The following VDAC1 variants were observed in gnomAD, a reference collection of about 807,000 sequenced individuals.
VDAC1 encodes the protein voltage dependent anion channel 1, also known as non-selective voltage-gated ion channel VDAC1.
Under a neutral mutation model 34.7 loss-of-function variants are expected in VDAC1, and 10 were observed. The ratio of observed to expected loss-of-function variants is 0.29; its 90% CI spans 0.18 to 0.49. The LOEUF is 0.49. VDAC1 is among the 20% of genes least tolerant of loss of function. VDAC1 has a pLI of 0.99. For missense variants in VDAC1, 230 were observed against 347.9 expected (o/e 0.66, Z 2.69); for synonymous variants, 130 against 136.0 (o/e 0.96, Z 0.30).
the VDAC1 span, among the ~76,000 whole-genome samples, chr5:134,097,819 C>T: frequency 3.3e-5 from 5 of 152,132 alleles, no homozygotes; most frequent in Non-Finnish European, 7.4e-5. Context: ...CCACTGGGAC[C>T]CTCACAGTAC....
the VDAC1 span, among the ~76,000 whole-genome samples, chr5:134,110,643 AGCCTCCCGGCG>A: frequency 6.6e-6 from 1 of 152,256 alleles, no homozygotes. Context: ...CCAGCAGCCC[AGCCTCCCGGCG>A]GCTTTGGGCA....
chr5:134,092,108 T>C, the VDAC1 span, among the ~76,000 whole-genome samples: 190 of 152,334 alleles, frequency 1.2e-3, no homozygotes, highest in African/African-American at 4.1e-3. Context: ...CCAAGGCTCA[T>C]TGTGATTAAC....
At chr5:133,989,167 A>C (rs6878988) in intron 5 of VDAC1, 88,186 of 152,026 alleles carry the variant, frequency 0.58, 25,746 homozygotes, top group Admixed American at 0.61. Flanking sequence ...GATAGGAACC[A>C]TGTGTGCCCA....
At chr5:134,033,715 G>A in the VDAC1 span, among the ~76,000 whole-genome samples, 9 of 151,158 alleles carry the variant, frequency 6.0e-5, no homozygotes, top group Non-Finnish European at 1.2e-4. Context: ...AATATAGGCC[G>A]GGTGCGATGG....
In VDAC1 at chr5:133,975,882, C is replaced by T. The variant is rs771483483; in HGVS notation, c.691G>A (p.Ala231Thr). Residue 231 changes from alanine to threonine, a missense_variant, in exon 7 of 9, where the codon GCC becomes ACC. Physicochemically the swap from Ala to Thr is moderately conservative, Grantham distance 58. Coordinates refer to ENST00000265333, the MANE Select transcript of VDAC1 (RefSeq NM_003374.3). ...IAAKYQIDPD[A>T]CFSAKVNNSS... ...CCACAGATACCCACCGAGAAGCAGGCGTCAGGGTCAATCTGATACTTGGCT... is the reference window on the plus strand; with the variant it reads ...CCACAGATACCCACCGAGAAGCAGGTGTCAGGGTCAATCTGATACTTGGCT... The T allele has an allele frequency of 3.7e-6, 6 of 1,611,876 alleles. No homozygotes were observed. Among genetic ancestry groups the T allele is most frequent in the Admixed American group, 3.3e-5 (2 of 59,980 alleles).
the VDAC1 span, among the ~76,000 whole-genome samples, chr5:134,085,667 C>T: frequency 1.6e-5 from 2 of 126,724 alleles, no homozygotes; most frequent in Non-Finnish European, 3.1e-5. Context: ...GTGGGAGGAT[C>T]ACTCGAGGTT....
the VDAC1 span, among the ~76,000 whole-genome samples, chr5:134,072,194 T>C: frequency 1.3e-5 from 2 of 152,170 alleles, no homozygotes; most frequent in African/African-American, 4.8e-5. Flanking sequence ...AGGCACCTAC[T>C]ATATATTAGA....
chr5:134,006,633 C>G (rs376175601), upstream of VDAC1, among the ~76,000 whole-genome samples: 34 of 151,456 alleles, frequency 2.2e-4, no homozygotes, highest in East Asian at 3.3e-3. Flanking sequence ...GTCCCAGCTA[C>G]TCAGGAGGCT....
chr5:134,008,355 T>C (rs1453151995), upstream of VDAC1, among the ~76,000 whole-genome samples: 2 of 152,156 alleles, frequency 1.3e-5, no homozygotes, highest in African/African-American at 4.8e-5. Context: ...CTAGTCCAGT[T>C]TGGATTGTTT....
At chr5:134,085,722 TAAAAA>T in the VDAC1 span, among the ~76,000 whole-genome samples, 278 of 44,232 alleles carry the variant, frequency 6.3e-3, 2 homozygotes, top group Middle Eastern at 0.037. Flanking sequence ...ACCCCATTTC[TAAAAA>T]AAAAAAAAAA....
the VDAC1 span, among the ~76,000 whole-genome samples, chr5:134,042,364 G>A: frequency 6.6e-6 from 1 of 152,216 alleles, no homozygotes; most frequent in African/African-American, 2.4e-5. Context: ...CACCCATCCT[G>A]TCTTGCCATC....
chr5:134,018,955 A>G, the VDAC1 span, among the ~76,000 whole-genome samples: 7 of 152,228 alleles, frequency 4.6e-5, no homozygotes, highest in East Asian at 1.4e-3. Context: ...CACACTCTCC[A>G]TATGCCTCCA....
At chr5:134,023,736 G>A in the VDAC1 span, among the ~76,000 whole-genome samples, 5 of 152,254 alleles carry the variant, frequency 3.3e-5, no homozygotes, top group East Asian at 9.6e-4. Flanking sequence ...ACAGCAAAAA[G>A]AGTATGATGG....
Position 133,972,704 on chromosome 5 carries a change from T to TA in VDAC1, c.*66dup. ...ATCCCAGACATACAACATTAAAAGA[T>TA]ACACTAAATTCTGAAGGTAGCTATG... is the stretch of plus-strand genomic sequence containing the variant. On this transcript the variant is annotated 3_prime_UTR_variant, in exon 9 of 9. Transcript: ENST00000265333. The TA allele has an allele frequency of 9.0e-7, 1 of 1,105,726 alleles. No individual in the cohort carries two copies. The highest frequency in any genetic ancestry group is 1.3e-6 in the Non-Finnish European group (1 of 745,580). The allele number at this position is 1,105,726 out of a possible 1,614,324, so 68.5% of individuals were successfully genotyped here.
intron 7 of VDAC1, among the ~76,000 whole-genome samples, chr5:133,974,573 T>A (rs1458368471): frequency 1.3e-5 from 2 of 152,256 alleles, no homozygotes; most frequent in East Asian, 3.8e-4. Context: ...TAAGCCAGTC[T>A]GGTTCAAATC....
At chr5:133,979,637 C>T (rs1389322223) in intron 6 of VDAC1, among the ~76,000 whole-genome samples, 1 of 152,010 alleles carries the variant, frequency 6.6e-6, no homozygotes, top group African/African-American at 2.4e-5. Flanking sequence ...ACCTTCTTGA[C>T]CAGGCTGGTC....
At chr5:134,069,442 C>T in the VDAC1 span, among the ~76,000 whole-genome samples, 1 of 152,172 alleles carries the variant, frequency 6.6e-6, no homozygotes, top group African/African-American at 2.4e-5. Flanking sequence ...TGATGATCCC[C>T]TCAGAGGTGA....
chr5:134,029,506 G>C, the VDAC1 span, among the ~76,000 whole-genome samples: 1 of 152,176 alleles, frequency 6.6e-6, no homozygotes, highest in Non-Finnish European at 1.5e-5. Context: ...CTTTCCAATA[G>C]AACTTTCTGC....
At chr5:134,037,298 G>A in the VDAC1 span, among the ~76,000 whole-genome samples, 3 of 152,200 alleles carry the variant, frequency 2.0e-5, no homozygotes, top group Admixed American at 6.5e-5. Context: ...ACTGAGGACT[G>A]AACTCTGATC....
Sources: gnomAD v4.1 joint callset for allele counts (sites outside exome capture counted in the v4.1 genomes callset) on GRCh38, gnomAD v4.1.1 for gene constraint, MANE v1.5 for transcripts, NCBI Gene and HGNC (gene_info 2026-07-23, HGNC 2026-07-21) for gene names.